Variants in UNC5C observed in about 807,000 individuals in gnomAD.
UNC5C encodes unc-5 netrin receptor C.
A neutral mutation model predicts 99.8 loss-of-function variants in UNC5C; 47 were observed. The ratio of observed to expected loss-of-function variants is 0.47; its 90% CI spans 0.37 to 0.60. UNC5C has a LOEUF of 0.60. UNC5C is among the 20% of genes least tolerant of loss of function. The probability of loss-of-function intolerance (pLI) is 0.00; values close to 1 mark genes in which losing one functional copy is unlikely to be tolerated. For synonymous variants in UNC5C, 487 were observed against 452.2 expected (o/e 1.08, Z -0.98); for missense variants, 1,062 against 1,165.9 (o/e 0.91, Z 1.30).
intron 2 of UNC5C, among the ~76,000 whole-genome samples, chr4:95,307,656 G>A (rs970097390): frequency 6.6e-6 from 1 of 152,016 alleles, no homozygotes; most frequent in Non-Finnish European, 1.5e-5. Context: ...AACCTGCTGA[G>A]GACACTACAA....
At chr4:95,526,783 T>G (rs1454669177) in intron 1 of UNC5C, among the ~76,000 whole-genome samples, 1 of 148,888 alleles carries the variant, frequency 6.7e-6, no homozygotes, top group Admixed American at 6.7e-5. Context: ...TTTTGTTCTG[T>G]ATTTCTATGA....
At chr4:95,304,003 G>A (rs1233108438) in intron 2 of UNC5C, among the ~76,000 whole-genome samples, 1 of 152,066 alleles carries the variant, frequency 6.6e-6, no homozygotes, top group Non-Finnish European at 1.5e-5. Context: ...ACACACTCAG[G>A]GAAATGAACA....
At chr4:95,528,199 T>C (rs1273502584) in intron 1 of UNC5C, among the ~76,000 whole-genome samples, 1 of 152,206 alleles carries the variant, frequency 6.6e-6, no homozygotes, top group Non-Finnish European at 1.5e-5. Flanking sequence ...TAAAATCTAA[T>C]TTTCAGAGTC....
chr4:95,381,283 G>C (rs1268971545), intron 1 of UNC5C, among the ~76,000 whole-genome samples: 1 of 152,138 alleles, frequency 6.6e-6, no homozygotes, highest in Admixed American at 6.5e-5. Context: ...CCATGGAGCT[G>C]GATGTGTTGA....
At chr4:95,372,106 A>T (rs952507986) in intron 1 of UNC5C, among the ~76,000 whole-genome samples, 2 of 152,148 alleles carry the variant, frequency 1.3e-5, no homozygotes, top group Non-Finnish European at 1.5e-5. Flanking sequence ...CCTGTTGTTT[A>T]ATGCTAATTT....
At chr4:95,316,724 C>T (rs896971976) in intron 2 of UNC5C, among the ~76,000 whole-genome samples, 15 of 152,260 alleles carry the variant, frequency 9.9e-5, no homozygotes, top group Admixed American at 9.8e-4. Flanking sequence ...TCTGCATACT[C>T]CTTACATCTA....
chr4:95,460,459 G>A (rs1421208900), intron 1 of UNC5C, among the ~76,000 whole-genome samples: 1 of 152,136 alleles, frequency 6.6e-6, no homozygotes, highest in African/African-American at 2.4e-5. Context: ...GGATGGACCT[G>A]CTGGGAGATA....
intron 1 of UNC5C, among the ~76,000 whole-genome samples, chr4:95,391,282 G>A (rs946993033): frequency 2.6e-5 from 4 of 152,156 alleles, no homozygotes; most frequent in East Asian, 1.9e-4. Context: ...TTTAATTTTT[G>A]TAGGGACCAA....
chr4:95,284,040 A>G (rs898769406), intron 3 of UNC5C, among the ~76,000 whole-genome samples: 1 of 152,204 alleles, frequency 6.6e-6, no homozygotes, highest in Non-Finnish European at 1.5e-5. Context: ...CCATTTATAC[A>G]TAACCAAAGA....
At chr4:95,545,772 G>GCGCACACACACA (rs6148582) in intron 1 of UNC5C, among the ~76,000 whole-genome samples, 3,093 of 148,344 alleles carry the variant, frequency 0.021, 83 homozygotes, top group East Asian at 0.083. Context: ...GCGCGCGCGC[G>GCGCACACACACA]CACACACACA....
chr4:95,476,757 T>C (rs930012941), intron 1 of UNC5C, among the ~76,000 whole-genome samples: 1 of 151,886 alleles, frequency 6.6e-6, no homozygotes, highest in Admixed American at 6.6e-5. Context: ...ATTTGTCCAT[T>C]TTTTTTGCTT....
chr4:95,496,760 T>G (rs962906297), intron 1 of UNC5C, among the ~76,000 whole-genome samples: 2 of 151,862 alleles, frequency 1.3e-5, no homozygotes, highest in Admixed American at 1.3e-4. Context: ...TTAATGATGA[T>G]TTCTGAGATT....
At chr4:95,272,183 A>T (rs917153042) in intron 4 of UNC5C, among the ~76,000 whole-genome samples, 1 of 152,140 alleles carries the variant, frequency 6.6e-6, no homozygotes, top group Non-Finnish European at 1.5e-5. Flanking sequence ...TTTTTCTTAC[A>T]TTCTTGCTTA....
chr4:95,312,068 AAAC>A (rs1015090916), intron 2 of UNC5C, among the ~76,000 whole-genome samples: 1 of 152,026 alleles, frequency 6.6e-6, no homozygotes, highest in African/African-American at 2.4e-5. Context: ...AAACAAACAA[AAAC>A]AACAACAACA....
intron 3 of UNC5C, among the ~76,000 whole-genome samples, chr4:95,293,326 A>T: frequency 1.2e-5 from 1 of 81,854 alleles, no homozygotes; most frequent in African/African-American, 6.4e-5. Flanking sequence ...TTTTTTTGAG[A>T]CAGGATCTCA....
chr4:95,288,067 T>TTTATTTATTTATTTA, intron 3 of UNC5C, among the ~76,000 whole-genome samples: 1 of 149,210 alleles, frequency 6.7e-6, no homozygotes, highest in African/African-American at 2.5e-5. Flanking sequence ...TTACAGATTA[T>TTTATTTATTTATTTA]TTATTTATTT....
At chr4:95,190,471 C>T (rs538969815) in intron 12 of UNC5C, among the ~76,000 whole-genome samples, 7 of 152,224 alleles carry the variant, frequency 4.6e-5, no homozygotes, top group South Asian at 2.1e-4. Flanking sequence ...CACATGTACC[C>T]GAGAACTTAA....
intron 1 of UNC5C, among the ~76,000 whole-genome samples, chr4:95,415,003 T>C (rs1393180605): frequency 2.0e-5 from 3 of 152,188 alleles, no homozygotes. Flanking sequence ...TAAATTCATA[T>C]AACTGTAAGC....
chr4:95,514,370 G>A (rs1578203462), intron 1 of UNC5C, among the ~76,000 whole-genome samples: 1 of 152,098 alleles, frequency 6.6e-6, no homozygotes, highest in South Asian at 2.1e-4. Flanking sequence ...AGAGATGTGG[G>A]TGAACTTGGT....
Sources: allele counts gnomAD v4.1 joint callset (sites outside exome capture counted in the v4.1 genomes callset), GRCh38; gene constraint gnomAD v4.1.1; transcripts MANE v1.5; gene names NCBI Gene and HGNC (gene_info 2026-07-23, HGNC 2026-07-21).